PRKN: variants seen among roughly 807,000 people sequenced by gnomAD.
PRKN encodes the protein parkin RBR E3 ubiquitin protein ligase, also known as E3 ubiquitin-protein ligase parkin.
In PRKN, 56 loss-of-function variants were observed where a neutral mutation model predicts 59.5. That is an observed-to-expected ratio of 0.94 (90% CI 0.76 to 1.18). The LOEUF is 1.18. Ranked by LOEUF, PRKN falls within the 50% of genes most tolerant of loss-of-function variation. PRKN has a pLI of 0.00. For missense variants in PRKN, 657 were observed against 596.4 expected (o/e 1.10, Z -1.06); for synonymous variants, 250 against 222.1 (o/e 1.13, Z -1.12).
chr6:161,585,467 T>C (rs1562542122), intron 7 of PRKN, among the ~76,000 whole-genome samples: 1 of 152,220 alleles, frequency 6.6e-6, no homozygotes, highest in Non-Finnish European at 1.5e-5. Context: ...AGATATGTCA[T>C]ACCAAAGAGA....
intron 1 of PRKN, among the ~76,000 whole-genome samples, chr6:162,723,179 C>G (rs980729916): frequency 6.6e-6 from 1 of 152,168 alleles, no homozygotes; most frequent in East Asian, 1.9e-4. Context: ...GTTGTGTTCC[C>G]TCGTTTCCCT....
At chr6:161,988,694 C>T (rs1173633631) in intron 5 of PRKN, among the ~76,000 whole-genome samples, 2 of 151,802 alleles carry the variant, frequency 1.3e-5, no homozygotes, top group East Asian at 1.9e-4. Context: ...AGCTCAGAGC[C>T]ATGAACACGA....
chr6:161,857,693 A>G (rs973638487), intron 6 of PRKN, among the ~76,000 whole-genome samples: 8 of 152,218 alleles, frequency 5.3e-5, no homozygotes, highest in African/African-American at 1.9e-4. Context: ...CTCAGTTTAA[A>G]AAATAACAAC....
At chr6:162,445,689 TAA>T (rs71004091) in intron 1 of PRKN, among the ~76,000 whole-genome samples, 12 of 28,742 alleles carry the variant, frequency 4.2e-4, no homozygotes, top group Admixed American at 6.6e-4. Flanking sequence ...AGACCTTGTC[TAA>T]AAAAAAAAAA....
chr6:161,647,753 T>C (rs1024243137), intron 7 of PRKN, among the ~76,000 whole-genome samples: 2 of 152,244 alleles, frequency 1.3e-5, no homozygotes, highest in African/African-American at 4.8e-5. Flanking sequence ...TTTTGTTTTA[T>C]TGAGTTTCTT....
Position 161,582,971 on chromosome 6 carries a change from AACACACAC to A in PRKN, c.872-13563_872-13556del, listed in dbSNP as rs768568929. Among the ~76,000 whole-genome samples, 14,212 of 117,160 alleles carry A rather than the reference AACACACAC, an allele frequency of 0.12. 1,531 individuals carry two copies. The highest frequency in any genetic ancestry group is 0.3 in the African/African-American group (10,284 of 34,524). The allele number at this position is 117,160 out of a possible 152,430, so 76.9% of individuals were successfully genotyped here. On this transcript the variant is annotated intron_variant, in intron 7 of 11. Transcript: ENST00000366898. The surrounding 1 kb of genome is among the most constrained non-coding windows in gnomAD (Gnocchi z 4.4). ...TCTTTCCAGTGAGATGGCCTATTCC[AACACACAC>A]ACACACACACACACACACACACACA...
chr6:161,458,992 G>A lies in PRKN; in HGVS notation c.1084-72115C>T, dbSNP rs992459439. On this transcript the variant is annotated intron_variant, in intron 9 of 11. Coordinates refer to ENST00000366898, the MANE Select transcript of PRKN (RefSeq NM_004562.3). The surrounding 1 kb of genome is among the most constrained non-coding windows in gnomAD (Gnocchi z 6.1). ...TTCATCTTATCTGGAGGGAAGACAG[G>A]AATGAAAACCATGATAGTATCCAGG... is the stretch of plus-strand genomic sequence containing the variant. 6.6e-6 allele frequency among the ~76,000 whole-genome samples: 1 copy of A among 152,074 alleles called. No individual in the cohort carries two copies. The highest frequency in any genetic ancestry group is 1.5e-5 in the Non-Finnish European group (1 of 68,014).
intron 1 of PRKN, among the ~76,000 whole-genome samples, chr6:162,476,371 C>A (rs1024291498): frequency 2.0e-5 from 3 of 152,082 alleles, no homozygotes; most frequent in Non-Finnish European, 4.4e-5. Context: ...CGCGCCCAGC[C>A]CACTCTTTTT....
chr6:161,619,540 TATAG>T (rs1425528026), intron 7 of PRKN, among the ~76,000 whole-genome samples: 3 of 152,218 alleles, frequency 2.0e-5, no homozygotes, highest in Admixed American at 2.0e-4. Flanking sequence ...AAGCTCTTTG[TATAG>T]ATAGTTTTAT....
intron 1 of PRKN, among the ~76,000 whole-genome samples, chr6:162,480,689 T>C (rs766351713): frequency 1.3e-5 from 2 of 152,128 alleles, no homozygotes; most frequent in African/African-American, 2.4e-5. Context: ...TCCCTGACTC[T>C]AGCAAATCAT....
Position 161,393,355 on chromosome 6 carries a change from C to T in PRKN, c.1084-6478G>A, listed in dbSNP as rs1786603596. On this transcript the variant is annotated intron_variant, in intron 9 of 11. Coordinates refer to ENST00000366898, the MANE Select transcript of PRKN (RefSeq NM_004562.3). The surrounding 1 kb of genome is among the most constrained non-coding windows in gnomAD (Gnocchi z 4.7). ...AACTGACACCTCCCCAGAAATGCCA[C>T]ACTTGTAAACTACTCATAAGACATA... 6.6e-6 allele frequency among the ~76,000 whole-genome samples: 1 copy of T among 152,102 alleles called. No homozygotes were observed. Among genetic ancestry groups the T allele is most frequent in the Non-Finnish European group, 1.5e-5 (1 of 68,028 alleles).
intron 4 of PRKN, among the ~76,000 whole-genome samples, chr6:162,136,983 A>G (rs187502855): frequency 6.6e-6 from 1 of 152,016 alleles, no homozygotes; most frequent in East Asian, 1.9e-4. Flanking sequence ...AATTTTATTT[A>G]TGAAGTGGGC....
intron 1 of PRKN, among the ~76,000 whole-genome samples, chr6:162,622,946 G>A (rs1782736047): frequency 1.3e-5 from 2 of 152,120 alleles, no homozygotes. Flanking sequence ...TTTCCCCAAT[G>A]CTCAATGTAG....
At chr6:161,781,686 G>A (rs534306648) in intron 7 of PRKN, among the ~76,000 whole-genome samples, 63 of 152,154 alleles carry the variant, frequency 4.1e-4, no homozygotes, top group Non-Finnish European at 6.6e-4. Flanking sequence ...TCTACAAGGG[G>A]CTGTCAACAG....
chr6:161,915,877 G>C (rs1233892301), intron 6 of PRKN, among the ~76,000 whole-genome samples: 1 of 152,076 alleles, frequency 6.6e-6, no homozygotes, highest in Non-Finnish European at 1.5e-5. Flanking sequence ...CACAAGAGAG[G>C]GTCCCCATCA....
At chr6:162,118,295 C>A (rs2128304757) in intron 4 of PRKN, among the ~76,000 whole-genome samples, 1 of 150,156 alleles carries the variant, frequency 6.7e-6, no homozygotes, top group South Asian at 2.1e-4. Flanking sequence ...GTCCCAGCTA[C>A]TTGGGAGGCT....
chr6:161,602,202 C>T (rs559874995), intron 7 of PRKN, among the ~76,000 whole-genome samples: 34 of 152,270 alleles, frequency 2.2e-4, no homozygotes, highest in African/African-American at 7.2e-4. Flanking sequence ...TCAATCTAAT[C>T]AACCAACCAT....
At chr6:162,361,654 A>C (rs1424575284) in intron 2 of PRKN, among the ~76,000 whole-genome samples, 1 of 152,156 alleles carries the variant, frequency 6.6e-6, no homozygotes, top group African/African-American at 2.4e-5. Flanking sequence ...TTGTCTTTTA[A>C]TTATTCTTTA....
intron 5 of PRKN, among the ~76,000 whole-genome samples, chr6:162,038,019 T>C (rs1240029725): frequency 6.7e-6 from 1 of 149,830 alleles, no homozygotes; most frequent in Non-Finnish European, 1.5e-5. Flanking sequence ...ATTCTGGTAA[T>C]AATCATACTG....
Sources: allele counts gnomAD v4.1 joint callset (sites outside exome capture counted in the v4.1 genomes callset), GRCh38; gene constraint gnomAD v4.1.1; non-coding constraint Gnocchi (gnomAD v3.1); transcripts MANE v1.5; gene names NCBI Gene and HGNC (gene_info 2026-07-23, HGNC 2026-07-21).